The following CLSTN2 variants were observed in gnomAD, a reference collection of about 807,000 sequenced individuals.
The protein encoded by CLSTN2 is calsyntenin 2, also known as calsyntenin-2.
A neutral mutation model predicts 101.2 loss-of-function variants in CLSTN2; 48 were observed. That is an observed-to-expected ratio of 0.47 (90% CI 0.38 to 0.60). The LOEUF is 0.60. Among genes scored for constraint, CLSTN2 ranks in the 20% least tolerant of loss-of-function variants. CLSTN2 has a pLI of 0.00. For missense variants in CLSTN2, 1,160 were observed against 1,238.2 expected, an observed-to-expected ratio of 0.94 and a Z score of 0.95; for synonymous variants, 481 against 463.6, an observed-to-expected ratio of 1.04 and a Z score of -0.48.
At chr3:140,298,756 G>A (rs1222820300) in intron 2 of CLSTN2, among the ~76,000 whole-genome samples, 1 of 152,164 alleles carries the variant, frequency 6.6e-6, no homozygotes, top group Non-Finnish European at 1.5e-5. Flanking sequence ...TGCAGTGGGG[G>A]TAATTAACAT....
rs189707194 is a variant in CLSTN2 at position 140,046,127 on chromosome 3, A to T, written c.109+110644A>T. Among the ~76,000 whole-genome samples, 925 of 152,252 alleles carry T rather than the reference A, an allele frequency of 6.1e-3. 4 individuals carry two copies. The highest frequency in any genetic ancestry group is 0.01 in the Non-Finnish European group (695 of 68,008). On this transcript the variant is annotated intron_variant, in intron 1 of 16. Transcript: ENST00000458420. ...TGATAGTGGGGTGTTAAAGTCTCCC[A>T]TTATTATTGTGTGGGAGTCTAAGTC...
In CLSTN2 at chr3:140,576,630, TTGACACAGCAGAGAGAGGAGGGG is replaced by T. The variant is rs1343214517; in HGVS notation, c.*10378_*10400del. On this transcript the variant is annotated 3_prime_UTR_variant, in exon 17 of 17. Coordinates refer to ENST00000458420, the MANE Select transcript of CLSTN2 (RefSeq NM_022131.3). Reference sequence around the variant, plus strand: ...TCTCTCCTCCAGAGTCTCTGTGGTGTTGACACAGCAGAGAGAGGAGGGGGAGCAGCCTCGTCTTGCAGAATCAC... The same window carrying T: ...TCTCTCCTCCAGAGTCTCTGTGGTGTGAGCAGCCTCGTCTTGCAGAATCAC... The T allele has an allele frequency of 6.6e-6, 1 of 152,194 alleles. No homozygotes were observed. Among genetic ancestry groups the T allele is most frequent in the African/African-American group, 2.4e-5 (1 of 41,442 alleles). 9.4% of individuals were successfully genotyped at this position (152,194 alleles called of 1,614,324 possible).
At chr3:140,082,965 CA>C (rs2008623245) in intron 1 of CLSTN2, among the ~76,000 whole-genome samples, 3 of 152,210 alleles carry the variant, frequency 2.0e-5, no homozygotes, top group Admixed American at 2.0e-4. Flanking sequence ...ACAGCACCAT[CA>C]TTTCAACCAG....
At chr3:140,227,208 C>G (rs1484784764) in intron 2 of CLSTN2, among the ~76,000 whole-genome samples, 1 of 152,170 alleles carries the variant, frequency 6.6e-6, no homozygotes, top group Non-Finnish European at 1.5e-5. Flanking sequence ...TAGTTACTTC[C>G]TAGATACAAT....
At chr3:140,509,050 A>G (rs1183752162) in intron 8 of CLSTN2, among the ~76,000 whole-genome samples, 2 of 152,078 alleles carry the variant, frequency 1.3e-5, no homozygotes, top group Non-Finnish European at 2.9e-5. Flanking sequence ...GGAGACTGGC[A>G]TTTGCTGGAA....
chr3:140,040,417 A>G (rs2007738971), intron 1 of CLSTN2, among the ~76,000 whole-genome samples: 1 of 152,126 alleles, frequency 6.6e-6, no homozygotes, highest in Non-Finnish European at 1.5e-5. Flanking sequence ...GATATAGTCA[A>G]ATTACTTAAC....
chr3:140,148,693 T>C (rs894354140), intron 1 of CLSTN2, among the ~76,000 whole-genome samples: 3 of 152,230 alleles, frequency 2.0e-5, no homozygotes, highest in Admixed American at 2.0e-4. Context: ...GAATGGCTCC[T>C]CTGGAAAGTT....
intron 2 of CLSTN2, among the ~76,000 whole-genome samples, chr3:140,384,109 A>G (rs2088024460): frequency 6.6e-6 from 1 of 152,052 alleles, no homozygotes; most frequent in Non-Finnish European, 1.5e-5. Flanking sequence ...TGTTGCCAAC[A>G]GAAAAAAATA....
intron 6 of CLSTN2, among the ~76,000 whole-genome samples, chr3:140,450,795 G>A (rs551506649): frequency 2.8e-4 from 43 of 152,180 alleles, no homozygotes; most frequent in African/African-American, 1.0e-3. Context: ...AAGGAACCAA[G>A]TAAAAATATT....
At chr3:140,545,508 C>T (rs1158303022) in intron 9 of CLSTN2, among the ~76,000 whole-genome samples, 2 of 152,178 alleles carry the variant, frequency 1.3e-5, no homozygotes, top group Admixed American at 1.3e-4. Flanking sequence ...GGAATTCAAC[C>T]CAGGCCCATC....
At chr3:140,415,486 C>CAAAAAAAAAAAAAAAAAAAAAAAA (rs751616049) in intron 4 of CLSTN2, among the ~76,000 whole-genome samples, 9 of 56,858 alleles carry the variant, frequency 1.6e-4, no homozygotes, top group South Asian at 8.3e-4. Context: ...CACAAAATAG[C>CAAAAAAAAAAAAAAAAAAAAAAAA]AAAAAAAAAA....
chr3:140,442,023 C>A (rs1387564208), intron 5 of CLSTN2, among the ~76,000 whole-genome samples: 1 of 152,212 alleles, frequency 6.6e-6, no homozygotes, highest in Admixed American at 6.5e-5. Flanking sequence ...CTGATGAAGA[C>A]ATCCTGGAGT....
intron 2 of CLSTN2, among the ~76,000 whole-genome samples, chr3:140,187,967 A>G (rs766371166): frequency 6.6e-6 from 1 of 152,124 alleles, no homozygotes; most frequent in Non-Finnish European, 1.5e-5. Context: ...GGAATCCTTG[A>G]GTAGCATTCC....
chr3:140,248,174 C>A lies in CLSTN2; in HGVS notation c.232+72101C>A, dbSNP rs543864226. Among the ~76,000 whole-genome samples, 6 of 152,304 alleles carry A rather than the reference C, an allele frequency of 3.9e-5. No individual in the cohort carries two copies. The East Asian group carries it at 1.2e-3, about 29-fold the overall frequency. On this transcript the variant is annotated intron_variant, in intron 2 of 16. Transcript: ENST00000458420. The stretch of plus-strand genomic sequence containing the variant: ...GCAATGTGAAATATTTTGCTGTGTC[C>A]ATTTCCTGCGCAGAGCAAAGCATTA...
intron 1 of CLSTN2, among the ~76,000 whole-genome samples, chr3:140,100,994 G>A (rs868081969): frequency 7.9e-5 from 12 of 152,276 alleles, no homozygotes; most frequent in Middle Eastern, 3.4e-3. Flanking sequence ...GCAAAGCAGA[G>A]GGAAGGGCAA....
chr3:140,531,998 C>T (rs769463060), intron 8 of CLSTN2, among the ~76,000 whole-genome samples: 6 of 152,126 alleles, frequency 3.9e-5, no homozygotes, highest in Non-Finnish European at 4.4e-5. Context: ...TGAAAGGGTG[C>T]CCTGTACTGA....
intron 2 of CLSTN2, among the ~76,000 whole-genome samples, chr3:140,357,088 G>A (rs1236039639): frequency 6.6e-6 from 1 of 152,174 alleles, no homozygotes. Flanking sequence ...TGTAACCATT[G>A]TGAGTCTTGA....
chr3:140,556,410 G>A, intron 10 of CLSTN2, 103 bp from the exon 11 acceptor site: 1 of 1,095,212 alleles, frequency 9.1e-7, no homozygotes, highest in Non-Finnish European at 1.4e-6. Flanking sequence ...CTCTAGAGGT[G>A]TTTATGGTGA....
chr3:140,368,980 C>G (rs533040833), intron 2 of CLSTN2, among the ~76,000 whole-genome samples: 1 of 152,304 alleles, frequency 6.6e-6, no homozygotes, highest in South Asian at 2.1e-4. Flanking sequence ...TTCCTGCACT[C>G]TCCTGGTTAG....
Sources: allele counts gnomAD v4.1 joint callset (sites outside exome capture counted in the v4.1 genomes callset), GRCh38; gene constraint gnomAD v4.1.1; transcripts MANE v1.5; gene names NCBI Gene and HGNC (gene_info 2026-07-23, HGNC 2026-07-21).